GPR149: variants seen among roughly 807,000 people sequenced by gnomAD.
GPR149 encodes the protein probable G protein-coupled receptor 149.
In GPR149, 50 loss-of-function variants were observed where a neutral mutation model predicts 50.2. The observed-to-expected ratio is 1.00, with a 90% CI of 0.79 to 1.26. GPR149 has a LOEUF of 1.26. Among genes scored for constraint, GPR149 ranks in the 50% most tolerant of loss-of-function variants. The pLI, the probability that GPR149 is intolerant of heterozygous loss-of-function variation, is 0.00. For synonymous variants in GPR149, 405 were observed against 358.2 expected (o/e 1.13, Z -1.48); for missense variants, 983 against 895.4 (o/e 1.10, Z -1.25).
intron 3 of GPR149, among the ~76,000 whole-genome samples, chr3:154,415,978 C>T (rs914070953): frequency 3.3e-5 from 5 of 151,738 alleles, no homozygotes; most frequent in African/African-American, 1.2e-4. Context: ...TGGATTTTTT[C>T]TAGTATGGTC....
At chr3:154,341,012 G>A (rs1435141181) in intron 3 of GPR149, among the ~76,000 whole-genome samples, 1 of 152,096 alleles carries the variant, frequency 6.6e-6, no homozygotes, top group Admixed American at 6.5e-5. Flanking sequence ...GAGCCATCGT[G>A]CCCGGCCAAG....
rs1713767423 is a variant in GPR149, at chr3:154,340,562, T to C, written c.1624-2291A>G. ...TCTTAAGACCCCACAGATGATTGGA[T>C]GTAAATAAACAAAATAAAAATTTTA... On this transcript the variant is annotated intron_variant, in intron 3 of 3. Transcript: ENST00000389740. Among the ~76,000 whole-genome samples the C allele has an allele frequency of 2.0e-5, 3 of 152,334 alleles. No homozygotes were observed. In the South Asian group the frequency reaches 6.2e-4, roughly 32 times the overall value.
In GPR149 at chr3:154,429,646, C is replaced by T; in HGVS notation, c.-31G>A. 1 of 1,570,834 alleles carries T rather than the reference C, an allele frequency of 6.4e-7. No individual in the cohort carries two copies. The highest frequency in any genetic ancestry group is 1.4e-5 in the African/African-American group (1 of 73,450). ...TTGGTCAATATTTAATTTCCCTTAT[C>T]AATGAGTCTGATAATTTTCTCAAAA... On this transcript the variant is annotated 5_prime_UTR_variant, in exon 1 of 4. Coordinates refer to ENST00000389740, the MANE Select transcript of GPR149 (RefSeq NM_001038705.3).
At chr3:154,413,007 T>G (rs1308189928) in intron 3 of GPR149, among the ~76,000 whole-genome samples, 1 of 151,822 alleles carries the variant, frequency 6.6e-6, no homozygotes, top group South Asian at 2.1e-4. Context: ...CAAATACTTA[T>G]AGTCAACTCA....
chr3:154,382,147 T>G (rs1714942347), intron 3 of GPR149, among the ~76,000 whole-genome samples: 1 of 152,184 alleles, frequency 6.6e-6, no homozygotes. Context: ...AAATCTGGGT[T>G]TTGAAAGTAG....
chr3:154,354,776 C>T (rs562103335), intron 3 of GPR149: 15 of 711,688 alleles, frequency 2.1e-5, no homozygotes, highest in Admixed American at 1.0e-4. Context: ...TCCATAATGT[C>T]GCCCCAAGGA....
chr3:154,367,499 T>G (rs1714557873), intron 3 of GPR149, among the ~76,000 whole-genome samples: 1 of 152,164 alleles, frequency 6.6e-6, no homozygotes, highest in Non-Finnish European at 1.5e-5. Flanking sequence ...TAGATAAACT[T>G]AAGTTACAAT....
In GPR149 at chr3:154,429,885, C is replaced by T. The variant is rs576428307; in HGVS notation, c.-270G>A. Among the ~76,000 whole-genome samples the T allele has an allele frequency of 6.6e-6, 1 of 151,074 alleles. No homozygotes were observed. The highest frequency in any genetic ancestry group is 2.1e-4 in the South Asian group (1 of 4,794). On this transcript the variant is annotated 5_prime_UTR_variant, in exon 1 of 4. Transcript: ENST00000389740. ...CCAATTAAAAACAAAGCAAAAACTCCTTCCCACCATCAAGTTTCAGGGAAG... is the reference window on the plus strand; with the variant it reads ...CCAATTAAAAACAAAGCAAAAACTCTTTCCCACCATCAAGTTTCAGGGAAG...
intron 3 of GPR149, among the ~76,000 whole-genome samples, chr3:154,401,267 T>A (rs6773390): frequency 1.3e-5 from 2 of 152,202 alleles, no homozygotes; most frequent in Non-Finnish European, 2.9e-5. Context: ...ACTAAATAAA[T>A]ATTTCTAAAT....
At chr3:154,374,545 A>G (rs1714748440) in intron 3 of GPR149, among the ~76,000 whole-genome samples, 1 of 152,128 alleles carries the variant, frequency 6.6e-6, no homozygotes, top group Admixed American at 6.5e-5. Context: ...AGTCCCTCAC[A>G]ATATCCAGAA....
At chr3:154,340,400 T>C (rs1713763749) in intron 3 of GPR149, among the ~76,000 whole-genome samples, 1 of 152,242 alleles carries the variant, frequency 6.6e-6, no homozygotes, top group South Asian at 2.1e-4. Context: ...AGACTACTAT[T>C]AATATTTGAG....
At chr3:154,383,000 T>C (rs1559980825) in intron 3 of GPR149, among the ~76,000 whole-genome samples, 2 of 152,064 alleles carry the variant, frequency 1.3e-5, no homozygotes, top group South Asian at 2.1e-4. Context: ...CTGGAAACAA[T>C]ACAGAATGGC....
At chr3:154,426,473 A>G (rs1467655650) in intron 2 of GPR149, among the ~76,000 whole-genome samples, 1 of 152,206 alleles carries the variant, frequency 6.6e-6, no homozygotes, top group Non-Finnish European at 1.5e-5. Context: ...CATCTCTGTT[A>G]AAGAATAATA....
In GPR149 at chr3:154,429,137, G is replaced by C. The variant is rs766157306; in HGVS notation, c.479C>G (p.Ala160Gly). The C allele has an allele frequency of 1.2e-6, 2 of 1,613,520 alleles. No individual in the cohort carries two copies. Among genetic ancestry groups the C allele is most frequent in the African/African-American group, 2.7e-5 (2 of 74,942 alleles). Residue 160 changes from alanine (A) to glycine (G), a missense_variant, in exon 1 of 4, where the codon GCC (alanine) becomes GGC (glycine). Physicochemically the swap from Ala to Gly is moderately conservative, Grantham distance 60. Transcript: ENST00000389740. The part of the protein sequence containing the change: ...VLGVVLTVWA[A>G]SLLLSALPLC... The stretch of plus-strand genomic sequence containing the variant: ...CGGGAGCGCCGAGAGCAGCAGACTG[G>C]CTGCCCACACGGTCAGCACCACGCC...
rs572523001 is a variant in GPR149, at chr3:154,335,333, A to G, written c.*2366T>C. 5 of 152,206 alleles carry G rather than the reference A, an allele frequency of 3.3e-5. No homozygotes were observed. The highest frequency in any genetic ancestry group is 1.2e-4 in the African/African-American group (5 of 41,472). 9.4% of individuals were successfully genotyped at this position (152,206 alleles called of 1,614,324 possible). ...TAATCAATCACTCTAAAGAGTAAGCAGACTTAAGTAAACTTATGTAGTTTA... is the reference window on the plus strand; with the variant it reads ...TAATCAATCACTCTAAAGAGTAAGCGGACTTAAGTAAACTTATGTAGTTTA... On this transcript the variant is annotated 3_prime_UTR_variant, in exon 4 of 4. Coordinates refer to ENST00000389740, the MANE Select transcript of GPR149 (RefSeq NM_001038705.3).
At position 154,380,997 on chromosome 3, in the gene GPR149, A is replaced by T. The variant is rs902077407; in HGVS notation, c.1623+40042T>A. ...AGAATCTCTTGGAGAAAATTTAAAAAATACAAAGATCAGGTCTCCACACTC... is the reference window on the plus strand; with the variant it reads ...AGAATCTCTTGGAGAAAATTTAAAATATACAAAGATCAGGTCTCCACACTC... On this transcript the variant is annotated intron_variant, in intron 3 of 3. Transcript: ENST00000389740. 2.6e-5 allele frequency among the ~76,000 whole-genome samples: 4 copies of T among 152,230 alleles called. No individual in the cohort carries two copies. The South Asian group carries it at 8.3e-4, about 31-fold the overall frequency.
rs891950099 is a variant in GPR149, at chr3:154,335,531, G to A, written c.*2168C>T. On this transcript the variant is annotated 3_prime_UTR_variant, in exon 4 of 4. Transcript: ENST00000389740. Reference sequence around the variant, plus strand: ...AGACTTTGGGCTAAATAATACTGGTGTTGTTTCAATGCAGCAGAATTTTTA... The same window carrying A: ...AGACTTTGGGCTAAATAATACTGGTATTGTTTCAATGCAGCAGAATTTTTA... The A allele has an allele frequency of 1.3e-5, 2 of 152,108 alleles. No homozygotes were observed. The highest frequency in any genetic ancestry group is 1.9e-4 in the East Asian group (1 of 5,194). 9.4% of individuals were successfully genotyped at this position (152,108 alleles called of 1,614,324 possible).
At chr3:154,426,926 G>C (rs1014830382) in intron 2 of GPR149, among the ~76,000 whole-genome samples, 11 of 150,052 alleles carry the variant, frequency 7.3e-5, no homozygotes, top group Non-Finnish European at 1.3e-4. Context: ...GACAGAGAGA[G>C]GCCTACACTT....
chr3:154,419,447 A>C (rs1430412986), intron 3 of GPR149, among the ~76,000 whole-genome samples: 2 of 152,060 alleles, frequency 1.3e-5, no homozygotes, highest in South Asian at 2.1e-4. Context: ...TGAAATAAAT[A>C]AGAAAATTGA....
Sources: allele counts gnomAD v4.1 joint callset (sites outside exome capture counted in the v4.1 genomes callset), GRCh38; gene constraint gnomAD v4.1.1; transcripts MANE v1.5; gene names NCBI Gene and HGNC (gene_info 2026-07-23, HGNC 2026-07-21).